NET1: variants seen among roughly 807,000 people sequenced by gnomAD.
NET1 encodes the protein neuroepithelial cell-transforming gene 1 protein.
NET1 carries 42 observed loss-of-function variants against 61.1 expected under a neutral mutation model. That is an observed-to-expected ratio of 0.69 (90% CI 0.54 to 0.89). The LOEUF (loss-of-function observed/expected upper bound fraction) is 0.89. NET1 is among the 40% of genes least tolerant of loss of function. NET1 has a pLI of 0.00. For missense variants in NET1, 654 were observed against 747.3 expected (o/e 0.88, Z 1.46); for synonymous variants, 254 against 281.8 (o/e 0.90, Z 0.99).
rs1376324755 is a variant in NET1, at chr10:5,453,466, G to C, written c.692-18G>C. 1 of 1,613,450 alleles carries C rather than the reference G, an allele frequency of 6.2e-7. No individual in the cohort carries two copies. The highest frequency in any genetic ancestry group is 1.7e-5 in the Admixed American group (1 of 60,020). ...AAATAAACCTGTTAATGGTGTTTAT[G>C]CTTTTTTATCACTTCAGATTTGTTG... On this transcript the variant is annotated intron_variant, in intron 7 of 11. Coordinates refer to ENST00000355029, the MANE Select transcript of NET1 (RefSeq NM_001047160.3). This position sits in a 1 kb window ranked among gnomAD's most constrained non-coding sequence, Gnocchi z 4.9.
intron 3 of NET1, among the ~76,000 whole-genome samples, chr10:5,445,233 A>G (rs189947197): frequency 1.3e-3 from 204 of 152,278 alleles, no homozygotes; most frequent in African/African-American, 4.6e-3. Context: ...GTTCAAATCT[A>G]TGAAAAATAT....
chr10:5,433,795 G>A (rs1216759768), intron 3 of NET1, among the ~76,000 whole-genome samples: 2 of 151,254 alleles, frequency 1.3e-5, no homozygotes, highest in Non-Finnish European at 2.9e-5. Context: ...TATTATCTTG[G>A]ATCTTCATCT....
intron 3 of NET1, among the ~76,000 whole-genome samples, chr10:5,430,123 T>A (rs1832325055): frequency 6.6e-6 from 1 of 152,186 alleles, no homozygotes; most frequent in Admixed American, 6.5e-5. Flanking sequence ...CAAAACAGTT[T>A]TAGTTGCATT....
rs1234015080 is a variant in NET1, at chr10:5,441,807, CTT to C, written c.256-10019_256-10018del. On this transcript the variant is annotated intron_variant, in intron 3 of 11. Transcript: ENST00000355029. This position sits in a 1 kb window ranked among gnomAD's most constrained non-coding sequence, Gnocchi z 4.6. ...GTACTTATCCAGTTCAAATGTAACT[CTT>C]TTTGTTTTTAAGTTATTACTAGATA... 6.6e-6 allele frequency among the ~76,000 whole-genome samples: 1 copy of C among 152,086 alleles called. No individual in the cohort carries two copies. Among genetic ancestry groups the C allele is most frequent in the Admixed American group, 6.5e-5 (1 of 15,272 alleles).
chr10:5,412,698 G>C lies in NET1; in HGVS notation c.6G>C (p.Glu2Asp), dbSNP rs775840996. 9.5e-6 allele frequency: 14 copies of C among 1,473,602 alleles called. No individual in the cohort carries two copies. The highest frequency in any genetic ancestry group is 1.2e-5 in the Non-Finnish European group (14 of 1,122,128). 91.3% of individuals were successfully genotyped at this position (1,473,602 alleles called of 1,614,324 possible). ...CCCACCCCCTCCTCCGTGCCATGGA[G>C]CCCGAGCTGGCGGCTCAGAAGCAGC... is the stretch of plus-strand genomic sequence containing the variant. M[E>D]PELAAQKQPR... The change falls in exon 1 of 12, where the codon GAG (glutamate) becomes GAC (aspartate). Residue 2 changes from glutamate (E) to aspartate (D), a missense_variant. Coordinates refer to ENST00000355029, the MANE Select transcript of NET1 (RefSeq NM_001047160.3). This position sits in a 1 kb window ranked among gnomAD's most constrained non-coding sequence, Gnocchi z 6.5.
chr10:5,442,999 T>G (rs1021635048), intron 3 of NET1, among the ~76,000 whole-genome samples: 2 of 152,226 alleles, frequency 1.3e-5, no homozygotes, highest in Non-Finnish European at 2.9e-5. Context: ...AGCTAATCTC[T>G]CAACCGTTTT....
At position 5,439,454 on chromosome 10, in the gene NET1, T is replaced by C. The variant is rs1832490107; in HGVS notation, c.255+10225T>C. Among the ~76,000 whole-genome samples the C allele has an allele frequency of 6.6e-6, 1 of 152,242 alleles. No individual in the cohort carries two copies. ...CAGTCTGGGCCATCTGTTCATGTTA[T>C]ATACTGATGCCCTTTGGTCTTCCTT... On this transcript the variant is annotated intron_variant, in intron 3 of 11. Coordinates refer to ENST00000355029, the MANE Select transcript of NET1 (RefSeq NM_001047160.3). This position sits in a 1 kb window ranked among gnomAD's most constrained non-coding sequence, Gnocchi z 4.8.
In NET1 at chr10:5,452,399, C is replaced by G; in HGVS notation, c.405C>G (p.Ala135=). The G allele has an allele frequency of 1.9e-6, 3 of 1,613,902 alleles. No individual in the cohort carries two copies. Among genetic ancestry groups the G allele is most frequent in the Non-Finnish European group, 2.5e-6 (3 of 1,179,870 alleles). Residue 135 remains alanine (A), a synonymous_variant, in exon 5 of 12, where the codon GCC becomes GCG. Coordinates refer to ENST00000355029, the MANE Select transcript of NET1 (RefSeq NM_001047160.3). The surrounding 1 kb of genome is among the most constrained non-coding windows in gnomAD (Gnocchi z 4.0). ...GTGACCACAGATCCCCAGCCTCTGCCCAGAAGTTTTCTAGCAGGTCAACAG... is the reference window on the plus strand; with the variant it reads ...GTGACCACAGATCCCCAGCCTCTGCGCAGAAGTTTTCTAGCAGGTCAACAG... ...LRGDHRSPAS[A]QKFSSRSTVP...
Position 5,441,179 on chromosome 10 carries a change from T to C in NET1, c.256-10651T>C, listed in dbSNP as rs545668658. Among the ~76,000 whole-genome samples the C allele has an allele frequency of 6.6e-6, 1 of 152,364 alleles. No individual in the cohort carries two copies. Among genetic ancestry groups the C allele is most frequent in the East Asian group, 1.9e-4 (1 of 5,190 alleles). On this transcript the variant is annotated intron_variant, in intron 3 of 11. Transcript: ENST00000355029. The surrounding 1 kb of genome is among the most constrained non-coding windows in gnomAD (Gnocchi z 4.6). ...TCAACGGACTGAAGAGGGGAGCTTT[T>C]ATCCTGCAGCTTCTGTGCTCCGTTA...
At position 5,446,644 on chromosome 10, in the gene NET1, C is replaced by T; in HGVS notation, c.256-5186C>T. 2 of 1,301,290 alleles carry T rather than the reference C, an allele frequency of 1.5e-6. No homozygotes were observed. Among genetic ancestry groups the T allele is most frequent in the Non-Finnish European group, 2.0e-6 (2 of 1,019,274 alleles). The allele number at this position is 1,301,290 out of a possible 1,614,324, so 80.6% of individuals were successfully genotyped here. On this transcript the variant is annotated intron_variant, in intron 3 of 11. Transcript: ENST00000355029. The surrounding 1 kb of genome is among the most constrained non-coding windows in gnomAD (Gnocchi z 5.0). ...GCTCCACCGCGGCGAGAGGCATGGG[C>T]ACGTGGCTGCCGAGGGTGGCCGAGC...
chr10:5,429,287 T>C, intron 3 of NET1, 58 bp downstream of exon 3: 1 of 1,265,594 alleles, frequency 7.9e-7, no homozygotes, highest in Admixed American at 2.2e-5. Flanking sequence ...TAGCATTTTA[T>C]TTCTGTGCTG....
intron 3 of NET1, among the ~76,000 whole-genome samples, chr10:5,442,887 AAAAAAG>A (rs971886100): frequency 4.6e-5 from 7 of 151,424 alleles, no homozygotes; most frequent in African/African-American, 1.7e-4. Flanking sequence ...TAAAAAAAAA[AAAAAAG>A]AAAGAAAGAA....
At chr10:5,419,377 T>C (rs2119166109) in intron 1 of NET1, among the ~76,000 whole-genome samples, 1 of 152,338 alleles carries the variant, frequency 6.6e-6, no homozygotes, top group East Asian at 1.9e-4. Flanking sequence ...TTTCTTTTGA[T>C]TGGGTTGTTT....
At position 5,456,205 on chromosome 10, in the gene NET1, A is replaced by G. The variant is rs1341109609; in HGVS notation, c.1316A>G (p.Glu439Gly). 2.5e-6 allele frequency: 4 copies of G among 1,614,194 alleles called. No homozygotes were observed. The South Asian group carries it at 3.3e-5, about 13-fold the overall frequency. Residue 439 changes from glutamate (E) to glycine (G), a missense_variant, in exon 11 of 12, where the codon GAA becomes GGA. Coordinates refer to ENST00000355029, the MANE Select transcript of NET1 (RefSeq NM_001047160.3). The surrounding 1 kb of genome is among the most constrained non-coding windows in gnomAD (Gnocchi z 7.0). ...ATCCCAGTCCAAGAGCTAGTCCTAG[A>G]AGACCTGCAGGATGGAGATGTGAGA... is the stretch of plus-strand genomic sequence containing the variant. ...QPIPVQELVL[E>G]DLQDGDVRMG...
In NET1 at chr10:5,455,053, G is replaced by A; in HGVS notation, c.1132G>A (p.Asp378Asn). The change falls in exon 10 of 12, where the codon GAC (aspartate) becomes AAC (asparagine). Residue 378 changes from aspartate to asparagine, a missense_variant. Transcript: ENST00000355029. The surrounding 1 kb of genome is among the most constrained non-coding windows in gnomAD (Gnocchi z 6.5). ...KLEYLDEKQR[D>N]PRIEASKVLL... ...GGAGTACCTGGATGAAAAGCAGAGG[G>A]ACCCCAGAATCGAAGCGAGCAAAGT... The A allele has an allele frequency of 6.2e-7, 1 of 1,614,150 alleles. No homozygotes were observed. Among genetic ancestry groups the A allele is most frequent in the Non-Finnish European group, 8.5e-7 (1 of 1,180,038 alleles).
chr10:5,419,546 A>AT (rs1194759528), intron 1 of NET1, among the ~76,000 whole-genome samples: 1 of 151,646 alleles, frequency 6.6e-6, no homozygotes, highest in African/African-American at 2.4e-5. Context: ...TTCTTTACTG[A>AT]TTTTTTTCAT....
At chr10:5,428,310 A>G (rs975750892) in intron 2 of NET1, among the ~76,000 whole-genome samples, 6 of 152,152 alleles carry the variant, frequency 3.9e-5, no homozygotes, top group Non-Finnish European at 2.9e-5. Flanking sequence ...TTTTGCCACT[A>G]CTGGTGCCAG....
intron 3 of NET1, among the ~76,000 whole-genome samples, chr10:5,450,830 T>C (rs1366171770): frequency 6.6e-6 from 1 of 152,188 alleles, no homozygotes; most frequent in Non-Finnish European, 1.5e-5. Flanking sequence ...AAAATTAGAA[T>C]AATGCAATTT....
rs1832171358 is a variant in NET1, at chr10:5,421,316, A to G, written c.129-5339A>G. Among the ~76,000 whole-genome samples, 1 of 152,264 alleles carries G rather than the reference A, an allele frequency of 6.6e-6. No individual in the cohort carries two copies. Among genetic ancestry groups the G allele is most frequent in the Admixed American group, 6.5e-5 (1 of 15,288 alleles). ...CTTTACATATCACCCATATGGCAGA[A>G]ATATAAATACATACTGATCCTTTTA... is the stretch of plus-strand genomic sequence containing the variant. On this transcript the variant is annotated intron_variant, in intron 1 of 11. Transcript: ENST00000355029. The surrounding 1 kb of genome is among the most constrained non-coding windows in gnomAD (Gnocchi z 4.2).
Sources: gnomAD v4.1 joint callset for allele counts (sites outside exome capture counted in the v4.1 genomes callset) on GRCh38, gnomAD v4.1.1 for gene constraint, Gnocchi (gnomAD v3.1) non-coding constraint, MANE v1.5 for transcripts, NCBI Gene and HGNC (gene_info 2026-07-23, HGNC 2026-07-21) for gene names.